The following MYO5B variants were observed in gnomAD, a reference collection of about 807,000 sequenced individuals.
The protein encoded by MYO5B is myosin VB.
MYO5B carries 143 observed loss-of-function variants against 229.3 expected under a neutral mutation model. The observed-to-expected ratio is 0.62, with a 90% CI of 0.54 to 0.72. The LOEUF is 0.72. Ranked by LOEUF, MYO5B falls within the 30% of genes least tolerant of loss-of-function variation. The pLI, the probability that MYO5B is intolerant of heterozygous loss-of-function variation, is 0.00. For synonymous variants in MYO5B, 918 were observed against 885.2 expected, an observed-to-expected ratio of 1.04 and a Z score of -0.66; for missense variants, 2,321 against 2,331.0, an observed-to-expected ratio of 1.00 and a Z score of 0.09.
chr18:49,948,313 T>C lies in MYO5B; in HGVS notation c.1752+4947A>G, dbSNP rs78281436. Among the ~76,000 whole-genome samples, 348 of 152,322 alleles carry C rather than the reference T, an allele frequency of 2.3e-3. 16 individuals are homozygous for C. The East Asian group carries it at 0.061, about 27-fold the overall frequency. ...CAATCAATTCTTTTTACATGACTAATGGTACCCTTTGGAGGGAAAAATCTC... is the reference window on the plus strand; with the variant it reads ...CAATCAATTCTTTTTACATGACTAACGGTACCCTTTGGAGGGAAAAATCTC... On this transcript the variant is annotated intron_variant, in intron 14 of 39. Coordinates refer to ENST00000285039, the MANE Select transcript of MYO5B (RefSeq NM_001080467.3).
Position 49,836,683 on chromosome 18 carries a change from T to C in MYO5B, c.5313+28A>G, listed in dbSNP as rs776146091. 3.2e-5 allele frequency: 52 copies of C among 1,613,442 alleles called. No homozygotes were observed. The South Asian group carries it at 5.7e-4, about 18-fold the overall frequency. On this transcript the variant is annotated intron_variant, in intron 38 of 39. Coordinates refer to ENST00000285039, the MANE Select transcript of MYO5B (RefSeq NM_001080467.3). ...GACTCAGGGCTTCCTTGGAATACCA[T>C]GTTGACAGAGGTGCAAAGTGACTGT... is the stretch of plus-strand genomic sequence containing the variant.
At chr18:49,933,366 C>A (rs752852925) in intron 16 of MYO5B, among the ~76,000 whole-genome samples, 21 of 152,220 alleles carry the variant, frequency 1.4e-4, no homozygotes, top group Admixed American at 3.9e-4. Flanking sequence ...TGTGGCATTG[C>A]CAGTTACTTG....
In MYO5B at chr18:49,963,400, T is replaced by TTAAA. The variant is rs1555647579; in HGVS notation, c.1323-371_1323-370insTTTA. ...ACTATGTAACATTTTACTTATTTAA[T>TTAAA]TTAATTAATTAATTAATTTATTTAT... On this transcript the variant is annotated intron_variant, in intron 10 of 39. Transcript: ENST00000285039. 6.0e-3 allele frequency among the ~76,000 whole-genome samples: 888 copies of TTAAA among 147,580 alleles called. 3 individuals are homozygous for TTAAA. The highest frequency in any genetic ancestry group is 0.01 in the Middle Eastern group (3 of 286).
At chr18:50,177,533 C>A (rs770037321) in intron 1 of MYO5B, among the ~76,000 whole-genome samples, 11 of 152,242 alleles carry the variant, frequency 7.2e-5, no homozygotes, top group Non-Finnish European at 1.3e-4. Flanking sequence ...CCCACCCATC[C>A]AATCAGGCTG....
intron 1 of MYO5B, among the ~76,000 whole-genome samples, chr18:50,107,929 C>T (rs370659298): frequency 3.7e-4 from 57 of 152,256 alleles, no homozygotes; most frequent in African/African-American, 8.4e-4. Context: ...GTTGTTAAGA[C>T]AGTCTCACCC....
At chr18:49,897,987 T>C (rs766025112) in intron 21 of MYO5B, among the ~76,000 whole-genome samples, 4 of 152,230 alleles carry the variant, frequency 2.6e-5, no homozygotes, top group Admixed American at 1.3e-4. Context: ...CCCTTCTCTA[T>C]GTTTAGATAC....
intron 17 of MYO5B, among the ~76,000 whole-genome samples, chr18:49,918,991 T>C (rs1445902608): frequency 1.3e-5 from 2 of 152,238 alleles, no homozygotes; most frequent in African/African-American, 2.4e-5. Flanking sequence ...ATGGTGGCTC[T>C]ACCCTTTTCT....
In MYO5B at chr18:49,847,302, G is replaced by C; in HGVS notation, c.4316-13C>G. On this transcript the variant is annotated splice_polypyrimidine_tract_variant and intron_variant, in intron 32 of 39. Coordinates refer to ENST00000285039, the MANE Select transcript of MYO5B (RefSeq NM_001080467.3). ...AATGCCTGGGCAGCTGAGCAGGAAA[G>C]AAAACAGGAAGCATGGATGAGACTT... 2 of 1,612,380 alleles carry C rather than the reference G, an allele frequency of 1.2e-6. No homozygotes were observed. Among genetic ancestry groups the C allele is most frequent in the Non-Finnish European group, 1.7e-6 (2 of 1,179,694 alleles).
chr18:50,169,492 A>C lies in MYO5B; in HGVS notation c.27+25275T>G, dbSNP rs2032897189. Among the ~76,000 whole-genome samples, 2 of 127,324 alleles carry C rather than the reference A, an allele frequency of 1.6e-5. 1 individual carries two copies. The highest frequency in any genetic ancestry group is 3.3e-5 in the Non-Finnish European group (2 of 59,756). The allele number at this position is 127,324 out of a possible 152,430, so 83.5% of individuals were successfully genotyped here. On this transcript the variant is annotated intron_variant, in intron 1 of 39. Transcript: ENST00000285039. ...ACATGCCACCGCATGGGTTGCAATC[A>C]TCATCACAGTATCCAGAGAAAAAGA... is the stretch of plus-strand genomic sequence containing the variant.
chr18:49,837,868 A>C (rs1244856535), intron 36 of MYO5B, 66 bp from the exon 37 acceptor site: 2 of 1,578,484 alleles, frequency 1.3e-6, no homozygotes, highest in Admixed American at 1.7e-5. Context: ...TGGACCACTC[A>C]AATCATTTAG....
intron 17 of MYO5B, among the ~76,000 whole-genome samples, chr18:49,913,252 T>C (rs1035151094): frequency 6.6e-6 from 1 of 152,240 alleles, no homozygotes; most frequent in Non-Finnish European, 1.5e-5. Flanking sequence ...CTTAAACAAA[T>C]GCAGTCTTTC....
chr18:49,990,329 C>T, intron 7 of MYO5B, 110 bp downstream of exon 7: 1 of 887,640 alleles, frequency 1.1e-6, no homozygotes, highest in Non-Finnish European at 1.8e-6. Flanking sequence ...ACATAAGAGG[C>T]AGAGCCGAGA....
At chr18:49,889,325 A>T (rs1047847688) in intron 22 of MYO5B, among the ~76,000 whole-genome samples, 6 of 152,334 alleles carry the variant, frequency 3.9e-5, no homozygotes, top group African/African-American at 1.4e-4. Flanking sequence ...AGGTTGGCAA[A>T]TTATCAAAAT....
At chr18:49,984,982 G>A (rs1327579573) in intron 7 of MYO5B, among the ~76,000 whole-genome samples, 157 bp from the exon 8 acceptor site, 2 of 152,096 alleles carry the variant, frequency 1.3e-5, no homozygotes, top group South Asian at 2.1e-4. Flanking sequence ...TATCCACAAC[G>A]GCAAATGGGA....
intron 18 of MYO5B, among the ~76,000 whole-genome samples, chr18:49,911,419 G>A (rs2024956018): frequency 6.6e-6 from 1 of 152,168 alleles, no homozygotes; most frequent in Non-Finnish European, 1.5e-5. Context: ...GGCTGAAGGT[G>A]GCCTGATCCC....
At chr18:50,148,921 A>G (rs2032549252) in intron 1 of MYO5B, among the ~76,000 whole-genome samples, 1 of 152,242 alleles carries the variant, frequency 6.6e-6, no homozygotes, top group Admixed American at 6.5e-5. Context: ...AAATGATTGT[A>G]TATCTAGAAA....
At chr18:50,136,576 G>A (rs2032339902) in intron 1 of MYO5B, among the ~76,000 whole-genome samples, 1 of 152,024 alleles carries the variant, frequency 6.6e-6, no homozygotes, top group Non-Finnish European at 1.5e-5. Context: ...CCACTTTTTG[G>A]AGGTAGGGTT....
intron 1 of MYO5B, among the ~76,000 whole-genome samples, chr18:50,120,683 T>C (rs907233): frequency 0.55 from 83,152 of 151,964 alleles, 22,966 homozygotes; most frequent in Admixed American, 0.65. Context: ...TCAGCTTCTT[T>C]GTATGTGATA....
In MYO5B at chr18:49,853,516, A is replaced by G; in HGVS notation, c.4154T>C (p.Leu1385Pro). 1 of 1,614,028 alleles carries G rather than the reference A, an allele frequency of 6.2e-7. No homozygotes were observed. ...QQQTFCQTLL[L>P]SPEAQVEFGV... ...GAATTCCACCTGGGCCTCTGGGGAG[A>G]GCAGTAGCGTCTGGCAGAAGGTCTG... is the stretch of plus-strand genomic sequence containing the variant. The change falls in exon 31 of 40, where the codon CTC becomes CCC. Residue 1385 changes from leucine (L) to proline (P), a missense_variant. By Grantham distance (98) the Leu-to-Pro change is moderately conservative. This residue lies in a region of MYO5B where 2,113 missense variants were observed against 2,044.7 expected (regional missense o/e 1.03). Coordinates refer to ENST00000285039, the MANE Select transcript of MYO5B (RefSeq NM_001080467.3).
Sources: gnomAD v4.1 joint callset for allele counts (sites outside exome capture counted in the v4.1 genomes callset) on GRCh38, gnomAD v4.1.1 for gene constraint, gnomAD v4.1.1 regional missense constraint, MANE v1.5 for transcripts, NCBI Gene and HGNC (gene_info 2026-07-23, HGNC 2026-07-21) for gene names.